The following SMOC2 variants were observed in gnomAD, a reference collection of about 807,000 sequenced individuals.
SMOC2 encodes the protein SPARC-related modular calcium-binding protein 2.
A neutral mutation model predicts 61.4 loss-of-function variants in SMOC2; 39 were observed. The observed-to-expected ratio is 0.64, with a 90% CI of 0.49 to 0.83. The LOEUF is 0.83. Among genes scored for constraint, SMOC2 ranks in the 40% least tolerant of loss-of-function variants. The pLI is 0.00. For missense variants in SMOC2, 556 were observed against 592.9 expected (o/e 0.94, Z 0.65); for synonymous variants, 247 against 239.9 (o/e 1.03, Z -0.27).
At chr6:168,632,373 T>C (rs2115248716) in intron 9 of SMOC2, among the ~76,000 whole-genome samples, 1 of 152,328 alleles carries the variant, frequency 6.6e-6, no homozygotes, top group East Asian at 1.9e-4. Context: ...TGTGAGATAA[T>C]TGCCTTTAAA....
chr6:168,501,964 G>A (rs778206837), intron 1 of SMOC2, among the ~76,000 whole-genome samples: 5 of 152,234 alleles, frequency 3.3e-5, no homozygotes, highest in Admixed American at 6.5e-5. Flanking sequence ...CTGAGCCCCT[G>A]CCCTCTTTCC....
rs1403673180 is a variant in SMOC2, at chr6:168,448,327, A to G, written c.84+6873A>G. 4.0e-5 allele frequency among the ~76,000 whole-genome samples: 6 copies of G among 151,242 alleles called. No individual in the cohort carries two copies. In the East Asian group the frequency reaches 7.8e-4, roughly 20 times the overall value. ...CCAGGAGGCTGGGGAGGAGGATGGC[A>G]CTGGGGAGGAGGATGGCGCTGGGGA... On this transcript the variant is annotated intron_variant, in intron 1 of 12. Coordinates refer to ENST00000356284, the MANE Select transcript of SMOC2 (RefSeq NM_001166412.2).
intron 9 of SMOC2, among the ~76,000 whole-genome samples, chr6:168,613,511 G>C (rs1181088958): frequency 6.6e-6 from 1 of 152,136 alleles, no homozygotes; most frequent in Non-Finnish European, 1.5e-5. Context: ...TGGTCAAACA[G>C]CCTCTCACCC....
At chr6:168,643,715 T>A (rs2115264284) in intron 9 of SMOC2, among the ~76,000 whole-genome samples, 1 of 152,294 alleles carries the variant, frequency 6.6e-6, no homozygotes, top group East Asian at 1.9e-4. Flanking sequence ...CACTCCTGCC[T>A]CTACCCCCCA....
chr6:168,520,204 G>C (rs1413698193), intron 2 of SMOC2, among the ~76,000 whole-genome samples: 1 of 152,196 alleles, frequency 6.6e-6, no homozygotes, highest in Non-Finnish European at 1.5e-5. Flanking sequence ...GAATACTTCA[G>C]TTCTGCTGGA....
intron 1 of SMOC2, 79 bp from the exon 2 acceptor site, chr6:168,509,836 C>T: frequency 1.4e-6 from 2 of 1,428,150 alleles, no homozygotes; most frequent in Non-Finnish European, 1.9e-6. Flanking sequence ...CGTGAAGTGG[C>T]CTGAGGCAGC....
At chr6:168,543,555 TA>T (rs1265512500) in intron 4 of SMOC2, 69 bp from the exon 5 acceptor site, 2 of 1,371,076 alleles carry the variant, frequency 1.5e-6, no homozygotes, top group African/African-American at 1.4e-5. Context: ...AATATGTGCA[TA>T]ACTTAATTTG....
intron 2 of SMOC2, among the ~76,000 whole-genome samples, chr6:168,520,470 C>G (rs2609295): frequency 0.68 from 103,122 of 152,148 alleles, 37,117 homozygotes; most frequent in Non-Finnish European, 0.8. Flanking sequence ...CCTGCACTGG[C>G]TCATGGGGAG....
rs368140611 is a variant in SMOC2, at chr6:168,492,939, T to C, written c.85-16976T>C. Among the ~76,000 whole-genome samples, 30 of 152,236 alleles carry C rather than the reference T, an allele frequency of 2.0e-4. 1 individual carries two copies. Among genetic ancestry groups the C allele is most frequent in the Admixed American group, 1.7e-3 (26 of 15,286 alleles). ...CACTGCATGACGTCGTAAGGCTGAC[T>C]TTCCTTGAGCTCTCCATACATTGTG... On this transcript the variant is annotated intron_variant, in intron 1 of 12. Coordinates refer to ENST00000356284, the MANE Select transcript of SMOC2 (RefSeq NM_001166412.2).
At chr6:168,501,154 A>G (rs59161311) in intron 1 of SMOC2, among the ~76,000 whole-genome samples, 3,761 of 152,286 alleles carry the variant, frequency 0.025, 81 homozygotes, top group Non-Finnish European at 0.042. Context: ...CATCCTCATC[A>G]TATCTTATTA....
chr6:168,568,564 A>G (rs1784597853), intron 7 of SMOC2, among the ~76,000 whole-genome samples: 2 of 152,154 alleles, frequency 1.3e-5, no homozygotes, highest in African/African-American at 4.8e-5. Flanking sequence ...ACCCCCCATC[A>G]TAGTGTCATA....
intron 10 of SMOC2, 111 bp downstream of exon 10, chr6:168,650,894 G>A: frequency 2.1e-6 from 2 of 964,556 alleles, no homozygotes; most frequent in Non-Finnish European, 3.0e-6. Flanking sequence ...TTTGGACACA[G>A]TAGGGCCTTA....
At chr6:168,545,344 G>A (rs1292081414) in intron 5 of SMOC2, among the ~76,000 whole-genome samples, 5 of 152,260 alleles carry the variant, frequency 3.3e-5, no homozygotes, top group Admixed American at 1.3e-4. Flanking sequence ...GCCGGAATAC[G>A]CAGAGGGGAT....
intron 9 of SMOC2, among the ~76,000 whole-genome samples, chr6:168,608,874 A>G (rs1785780522): frequency 6.6e-6 from 1 of 152,176 alleles, no homozygotes; most frequent in East Asian, 1.9e-4. Flanking sequence ...TGTATGTTTA[A>G]CCAACATCTC....
chr6:168,484,231 TA>T (rs1782277398), intron 1 of SMOC2, among the ~76,000 whole-genome samples: 1 of 152,154 alleles, frequency 6.6e-6, no homozygotes. Context: ...AGAGAACTCT[TA>T]AAATTTAACA....
intron 1 of SMOC2, among the ~76,000 whole-genome samples, chr6:168,470,212 T>C (rs945799387): frequency 6.6e-6 from 1 of 152,240 alleles, no homozygotes; most frequent in Non-Finnish European, 1.5e-5. Context: ...AGAATCACAG[T>C]CTCAGTCTGC....
At chr6:168,474,692 C>T (rs553786863) in intron 1 of SMOC2, among the ~76,000 whole-genome samples, 4 of 152,282 alleles carry the variant, frequency 2.6e-5, no homozygotes, top group South Asian at 2.1e-4. Flanking sequence ...CTGTGCACTG[C>T]ACAACTCCAG....
chr6:168,649,990 G>A (rs1225446464), intron 9 of SMOC2, among the ~76,000 whole-genome samples: 1 of 152,192 alleles, frequency 6.6e-6, no homozygotes, highest in Non-Finnish European at 1.5e-5. Flanking sequence ...ATGGTGTCAG[G>A]GAATTCCTAA....
chr6:168,537,241 C>T (rs564676705), intron 4 of SMOC2, among the ~76,000 whole-genome samples: 3 of 150,708 alleles, frequency 2.0e-5, no homozygotes, highest in Admixed American at 6.6e-5. Context: ...AGAGCAGTGT[C>T]TGTCCTAATA....
Sources: gnomAD v4.1 joint callset for allele counts (sites outside exome capture counted in the v4.1 genomes callset) on GRCh38, gnomAD v4.1.1 for gene constraint, MANE v1.5 for transcripts, NCBI Gene and HGNC (gene_info 2026-07-23, HGNC 2026-07-21) for gene names.